NHS: variants seen among roughly 807,000 people sequenced by gnomAD.
The protein encoded by NHS is actin remodeling regulator NHS.
A neutral mutation model predicts 72.5 loss-of-function variants in NHS; 5 were observed. The observed-to-expected ratio is 0.07, with a 90% CI of 0.04 to 0.14. The LOEUF (loss-of-function observed/expected upper bound fraction) is 0.14. NHS is among the 10% of genes least tolerant of loss of function. The pLI, the probability that NHS is intolerant of heterozygous loss-of-function variation, is 1.00. For missense variants in NHS, 1,072 were observed against 1,355.7 expected, an observed-to-expected ratio of 0.79 and a Z score of 3.29; for synonymous variants, 464 against 547.7, an observed-to-expected ratio of 0.85 and a Z score of 2.13.
intron 1 of NHS, among the ~76,000 whole-genome samples, chrX:17,476,613 C>T (rs2064919671): frequency 1.8e-5 from 2 of 110,855 alleles, no homozygotes; most frequent in South Asian, 7.7e-4. Flanking sequence ...GGTAACACTA[C>T]CTGTAGGTAG....
At chrX:17,498,549 G>A (rs1480473779) in intron 1 of NHS, among the ~76,000 whole-genome samples, 2 of 111,749 alleles carry the variant, frequency 1.8e-5, no homozygotes, top group South Asian at 3.7e-4. Flanking sequence ...CATTCATTTC[G>A]TGGCGTGATG....
At chrX:17,576,658 C>A (rs763046586) in intron 1 of NHS, among the ~76,000 whole-genome samples, 1 of 112,319 alleles carries the variant, frequency 8.9e-6, no homozygotes, top group South Asian at 3.7e-4. Context: ...AACGCACAGG[C>A]TCTAAGCACC....
chrX:17,447,755 C>CCACA lies in NHS; in HGVS notation c.565+71447_565+71450dup, dbSNP rs745355880. 4.3e-5 allele frequency among the ~76,000 whole-genome samples: 4 copies of CCACA among 93,822 alleles called. No individual in the cohort carries two copies. In the East Asian group the frequency reaches 9.8e-4, roughly 23 times the overall value. 81.5% of individuals were successfully genotyped at this position (93,822 alleles called of 115,157 possible). On this transcript the variant is annotated intron_variant, in intron 1 of 8. Transcript: ENST00000676302. ...TCAACAATAAAAATTTGGACTTTGGCCACACACACACACACACGCACACAC... is the reference window on the plus strand; with the variant it reads ...TCAACAATAAAAATTTGGACTTTGGCCACACACACACACACACACACGCACACAC...
intron 1 of NHS, among the ~76,000 whole-genome samples, chrX:17,549,054 A>T (rs1363025071): frequency 3.3e-5 from 3 of 89,835 alleles, no homozygotes; most frequent in African/African-American, 8.3e-5. Context: ...TTAAAAACAA[A>T]GAGGGTGGGG....
In NHS at chrX:17,677,321, C is replaced by T. The variant is rs185172704; in HGVS notation, c.566-10421C>T. Among the ~76,000 whole-genome samples, 7 of 111,984 alleles carry T rather than the reference C, an allele frequency of 6.3e-5. No individual in the cohort carries two copies. In the East Asian group the frequency reaches 1.7e-3, roughly 27 times the overall value. ...ACAAGAACAATTATGAATCCTCTGCCTATTGTGTGCTCTGTGGAATGGTAG... is the reference window on the plus strand; with the variant it reads ...ACAAGAACAATTATGAATCCTCTGCTTATTGTGTGCTCTGTGGAATGGTAG... On this transcript the variant is annotated intron_variant, in intron 1 of 8. Transcript: ENST00000676302.
chrX:17,659,317 A>G (rs2065971801), intron 1 of NHS, among the ~76,000 whole-genome samples: 1 of 112,293 alleles, frequency 8.9e-6, no homozygotes, highest in African/African-American at 3.2e-5. Context: ...GACAAGTCAT[A>G]TGGCAAATAC....
intron 1 of NHS, among the ~76,000 whole-genome samples, chrX:17,423,657 A>C (rs1031251738): frequency 2.7e-5 from 3 of 111,831 alleles, no homozygotes; most frequent in African/African-American, 3.3e-5. Context: ...ACTGGGTTTT[A>C]TGCCTGTGTT....
chrX:17,578,590 C>T lies in NHS; in HGVS notation c.566-109152C>T, dbSNP rs181477238. Among the ~76,000 whole-genome samples, 473 of 112,152 alleles carry T rather than the reference C, an allele frequency of 4.2e-3. 3 individuals carry two copies. The highest frequency in any genetic ancestry group is 7.3e-3 in the Non-Finnish European group (388 of 53,283). ...CAGTGAGTTCCTATATATCGAAATA[C>T]TCAAGAGTGTAAACAGTATAGTTTC... On this transcript the variant is annotated intron_variant, in intron 1 of 8. Coordinates refer to ENST00000676302, the MANE Select transcript of NHS (RefSeq NM_001291867.2).
At chrX:17,432,923 G>A (rs1033003352) in intron 1 of NHS, among the ~76,000 whole-genome samples, 48 of 112,201 alleles carry the variant, frequency 4.3e-4, no homozygotes, top group South Asian at 1.8e-3. Flanking sequence ...ATAAAAATGT[G>A]AGTTCAGTTC....
intron 1 of NHS, among the ~76,000 whole-genome samples, chrX:17,427,797 A>T (rs1235515825): frequency 9.0e-6 from 1 of 111,483 alleles, no homozygotes; most frequent in Non-Finnish European, 1.9e-5. Flanking sequence ...TATATTTTTT[A>T]AAAAATCAAG....
At chrX:17,424,169 G>T (rs2064637962) in intron 1 of NHS, among the ~76,000 whole-genome samples, 1 of 112,113 alleles carries the variant, frequency 8.9e-6, no homozygotes, top group African/African-American at 3.2e-5. Flanking sequence ...TCCTTGAAAT[G>T]GAGGTAATTT....
At chrX:17,615,775 G>GGGGGGGGGGGGGCCCCCCCC (rs2065742770) in intron 1 of NHS, among the ~76,000 whole-genome samples, 1 of 83,349 alleles carries the variant, frequency 1.2e-5, no homozygotes, top group Non-Finnish European at 2.3e-5. Context: ...CATCTGCACT[G>GGGGGGGGGGGGGCCCCCCCC]CCCACCCCCC....
At chrX:17,728,382 G>A in intron 7 of NHS, 54 bp downstream of exon 7, 1 of 1,109,009 alleles carries the variant, frequency 9.0e-7, no homozygotes, top group Non-Finnish European at 1.2e-6. Flanking sequence ...GCACTTCCTG[G>A]AATTTTTTCT....
intron 1 of NHS, among the ~76,000 whole-genome samples, chrX:17,384,436 A>G (rs192124194): frequency 1.8e-5 from 2 of 112,426 alleles, no homozygotes; most frequent in Admixed American, 1.9e-4. Context: ...ACAGCATCAC[A>G]TTTCTTTCTA....
At chrX:17,494,312 C>T (rs2065003588) in intron 1 of NHS, among the ~76,000 whole-genome samples, 1 of 110,939 alleles carries the variant, frequency 9.0e-6, no homozygotes, top group Non-Finnish European at 1.9e-5. Context: ...TTCCTGAGAT[C>T]AAGTGATCCA....
intron 3 of NHS, among the ~76,000 whole-genome samples, chrX:17,712,598 G>A (rs975436405): frequency 4.6e-5 from 5 of 108,673 alleles, no homozygotes; most frequent in Admixed American, 3.0e-4. Flanking sequence ...AAATAACTCA[G>A]TAGGCACCTG....
chrX:17,526,347 C>T (rs1262577644), intron 1 of NHS, among the ~76,000 whole-genome samples: 1 of 112,542 alleles, frequency 8.9e-6, no homozygotes, highest in Non-Finnish European at 1.9e-5. Flanking sequence ...AGATTGGCCT[C>T]ATCTGGGATG....
At chrX:17,586,512 G>A (rs1259678948) in intron 1 of NHS, 1 of 112,643 alleles carries the variant, frequency 8.9e-6, no homozygotes, top group Non-Finnish European at 1.9e-5. Flanking sequence ...CAGAAGGACA[G>A]GACACTTTGT....
Position 17,731,867 on chromosome X carries a change from G to A in NHS, c.4359G>A (p.Arg1453=). The part of the protein sequence containing the change: ...DLFAVIHRSK[R]KVLGRKDSGD... ...TCTCCTTTTCTCAAAGATCCAAGAG[G>A]AAAGTACTTGGAAGAAAAGATTCCG... Residue 1453 remains arginine, a synonymous_variant, in exon 9 of 9, where the codon AGG becomes AGA. Coordinates refer to ENST00000676302, the MANE Select transcript of NHS (RefSeq NM_001291867.2). 1.7e-6 allele frequency: 2 copies of A among 1,191,708 alleles called. No homozygotes were observed. Among genetic ancestry groups the A allele is most frequent in the Non-Finnish European group, 2.3e-6 (2 of 885,445 alleles).
Sources: gnomAD v4.1 joint callset for allele counts (sites outside exome capture counted in the v4.1 genomes callset) on GRCh38, gnomAD v4.1.1 for gene constraint, MANE v1.5 for transcripts, NCBI Gene and HGNC (gene_info 2026-07-23, HGNC 2026-07-21) for gene names.